Variants in PSD2 observed in about 807,000 individuals in gnomAD.
PSD2 encodes pleckstrin and Sec7 domain containing 2, also known as PH and SEC7 domain-containing protein 2.
Under a neutral mutation model 69.8 loss-of-function variants are expected in PSD2, and 38 were observed. The observed-to-expected ratio is 0.54, with a 90% CI of 0.42 to 0.71. PSD2 has a LOEUF of 0.71. Ranked by LOEUF, PSD2 falls within the 30% of genes least tolerant of loss-of-function variation. The pLI, the probability that PSD2 is intolerant of heterozygous loss-of-function variation, is 0.00. For synonymous variants in PSD2, 412 were observed against 423.0 expected, an observed-to-expected ratio of 0.97 and a Z score of 0.32; for missense variants, 943 against 1,014.5, an observed-to-expected ratio of 0.93 and a Z score of 0.96.
At chr5:139,841,642 TTCTG>T (rs1273501679) in intron 14 of PSD2, among the ~76,000 whole-genome samples, 1 of 152,138 alleles carries the variant, frequency 6.6e-6, no homozygotes, top group African/African-American at 2.4e-5. Flanking sequence ...GGCACAAGGG[TTCTG>T]TCTATTTCTC....
rs368762043 is a variant in PSD2, at chr5:139,813,389, G to A, written c.452G>A (p.Arg151Gln). 21 of 1,607,224 alleles carry A rather than the reference G, an allele frequency of 1.3e-5. No individual in the cohort carries two copies. Among genetic ancestry groups the A allele is most frequent in the African/African-American group, 1.1e-4 (8 of 74,934 alleles). ...AAGATTCTGGAGTCAGAGCTGCTGC[G>A]GGGCACCCAGTACAGCAGCCTCGAC... The part of the protein sequence containing the change: ...FEKILESELL[R>Q]GTQYSSLDSL... The change falls in exon 3 of 15, where the codon CGG (arginine) becomes CAG (glutamine). Residue 151 changes from arginine to glutamine, a missense_variant. Transcript: ENST00000274710.
At position 139,813,714 on chromosome 5, in the gene PSD2, G is replaced by A. The variant is rs1199048261; in HGVS notation, c.777G>A (p.Glu259=). Residue 259 remains glutamate (E), a synonymous_variant, in exon 3 of 15, where the codon GAG becomes GAA. Transcript: ENST00000274710. ...EDGPQGPGGD[E]DDDEEDTDKL... Reference sequence around the variant, plus strand: ...GCCCTCAGGGCCCAGGGGGGGATGAGGATGATGATGAGGAGGACACGGACA... The same window carrying A: ...GCCCTCAGGGCCCAGGGGGGGATGAAGATGATGATGAGGAGGACACGGACA... The A allele has an allele frequency of 8.7e-6, 14 of 1,613,032 alleles. No homozygotes were observed. Among genetic ancestry groups the A allele is most frequent in the Non-Finnish European group, 1.2e-5 (14 of 1,179,552 alleles).
intron 5 of PSD2, 97 bp from the exon 6 acceptor site, chr5:139,821,796 T>C (rs1217572023): frequency 2.3e-5 from 15 of 652,556 alleles, no homozygotes; most frequent in Non-Finnish European, 4.0e-5. Context: ...ACTGGAGCCC[T>C]GGCCCCCTAG....
At chr5:139,828,982 T>C (rs540905440) in intron 7 of PSD2, among the ~76,000 whole-genome samples, 1 of 122,536 alleles carries the variant, frequency 8.2e-6, no homozygotes, top group Non-Finnish European at 1.6e-5. Flanking sequence ...GTCCAAGGGC[T>C]CAGGAAAGAC....
intron 7 of PSD2, among the ~76,000 whole-genome samples, chr5:139,823,359 C>T (rs541399808): frequency 2.1e-4 from 32 of 152,268 alleles, no homozygotes; most frequent in African/African-American, 7.7e-4. Flanking sequence ...GCCGAGGCCC[C>T]CATCACCATG....
intron 1 of PSD2, among the ~76,000 whole-genome samples, chr5:139,802,331 C>G (rs1466480159): frequency 6.6e-6 from 1 of 151,988 alleles, no homozygotes; most frequent in Non-Finnish European, 1.5e-5. Context: ...GTTTCTGTCT[C>G]TTGGCTGTTG....
intron 7 of PSD2, among the ~76,000 whole-genome samples, chr5:139,824,458 G>A (rs528835443): frequency 5.1e-4 from 76 of 149,018 alleles, no homozygotes; most frequent in African/African-American, 1.8e-3. Context: ...GTGCAGTGGC[G>A]AGATCTCGGT....
At chr5:139,817,616 A>C in intron 5 of PSD2, 55 bp downstream of exon 5, 1 of 1,399,522 alleles carries the variant, frequency 7.1e-7, no homozygotes, top group Non-Finnish European at 1.0e-6. Flanking sequence ...GCACTTCTGG[A>C]TTCTCATGTC....
intron 1 of PSD2, among the ~76,000 whole-genome samples, chr5:139,797,071 T>G (rs1446314731): frequency 6.6e-6 from 1 of 152,198 alleles, no homozygotes; most frequent in Non-Finnish European, 1.5e-5. Context: ...ACCCAACCCG[T>G]GGCCCAGGGC....
At chr5:139,810,215 AG>A (rs1367525656) in intron 2 of PSD2, among the ~76,000 whole-genome samples, 1 of 152,184 alleles carries the variant, frequency 6.6e-6, no homozygotes, top group Non-Finnish European at 1.5e-5. Flanking sequence ...AGCCGGCTTT[AG>A]GCTTTAATCC....
chr5:139,777,495 GAC>G, the PSD2 span, among the ~76,000 whole-genome samples: 1 of 152,210 alleles, frequency 6.6e-6, no homozygotes, highest in Non-Finnish European at 1.5e-5. Context: ...TTGGTTGTAA[GAC>G]AGGTTTGCTC....
chr5:139,751,790 C>CTT, the PSD2 span, among the ~76,000 whole-genome samples: 299 of 120,358 alleles, frequency 2.5e-3, 1 homozygote, highest in African/African-American at 6.9e-3. Context: ...AGGGTCCAGC[C>CTT]TTTTTTTTTT....
the PSD2 span, among the ~76,000 whole-genome samples, chr5:139,746,561 G>T: frequency 6.6e-6 from 1 of 152,180 alleles, no homozygotes; most frequent in African/African-American, 2.4e-5. This position sits in a 1 kb window ranked among gnomAD's most constrained non-coding sequence, Gnocchi z 4.5. Flanking sequence ...AATCCCCCGC[G>T]GGGGAGGCCC....
chr5:139,749,131 C>T, the PSD2 span, among the ~76,000 whole-genome samples: 2 of 152,206 alleles, frequency 1.3e-5, no homozygotes, highest in Non-Finnish European at 2.9e-5. Context: ...CACTCAGGCC[C>T]ACCTGACCTG....
chr5:139,824,894 G>A (rs1403435932), intron 7 of PSD2, among the ~76,000 whole-genome samples: 2 of 148,824 alleles, frequency 1.3e-5, no homozygotes, highest in Admixed American at 1.3e-4. Flanking sequence ...GGGATCTCGG[G>A]AACAGGGGCC....
the PSD2 span, among the ~76,000 whole-genome samples, chr5:139,777,742 G>A: frequency 3.9e-5 from 6 of 152,194 alleles, no homozygotes; most frequent in East Asian, 7.7e-4. Context: ...AATTAGCTGC[G>A]TGTGGTGGCA....
At chr5:139,766,835 CTTTCTTTCTTTCTTTCTTTCTT>C in the PSD2 span, among the ~76,000 whole-genome samples, 1 of 138,106 alleles carries the variant, frequency 7.2e-6, no homozygotes, top group African/African-American at 2.8e-5. Context: ...TTCCTTCTTT[CTTTCTTTCTTTCTTTCTTTCTT>C]TCTTTCTTTC....
Position 139,809,581 on chromosome 5 carries a change from G to A in PSD2, c.141G>A (p.Gly47=). The stretch of plus-strand genomic sequence containing the variant: ...TGAACAGCAGCCTCTGCAGCCCAGG[G>A]CACGAGCGAAGGGGCACCCCAGCGG... The part of the protein sequence containing the change: ...EGLNSSLCSP[G]HERRGTPADT... The change falls in exon 2 of 15, where the codon GGG becomes GGA. Residue 47 remains glycine (G), a synonymous_variant. Transcript: ENST00000274710. 6.2e-7 allele frequency: 1 copy of A among 1,614,194 alleles called. No individual in the cohort carries two copies. Among genetic ancestry groups the A allele is most frequent in the Non-Finnish European group, 8.5e-7 (1 of 1,180,002 alleles).
chr5:139,838,369 C>T (rs1444484547), intron 12 of PSD2, among the ~76,000 whole-genome samples: 2 of 152,180 alleles, frequency 1.3e-5, no homozygotes, highest in East Asian at 3.9e-4. Context: ...ACTCCAGGGC[C>T]ACTAGCTGTG....
Sources: allele counts gnomAD v4.1 joint callset (sites outside exome capture counted in the v4.1 genomes callset), GRCh38; gene constraint gnomAD v4.1.1; non-coding constraint Gnocchi (gnomAD v3.1); transcripts MANE v1.5; gene names NCBI Gene and HGNC (gene_info 2026-07-23, HGNC 2026-07-21).